Variants in AGAP1 observed in about 807,000 individuals in gnomAD.
AGAP1 encodes arf-GAP with GTPase, ANK repeat and PH domain-containing protein 1.
In AGAP1, 29 loss-of-function variants were observed where a neutral mutation model predicts 105.3. The observed-to-expected ratio is 0.28, with a 90% CI of 0.21 to 0.38. The LOEUF (loss-of-function observed/expected upper bound fraction) is 0.38, where lower values mean the gene tolerates loss of function less well. Ranked by LOEUF, AGAP1 falls within the 10% of genes least tolerant of loss-of-function variation. The pLI is 1.00. For missense variants in AGAP1, 998 were observed against 1,165.1 expected (o/e 0.86, Z 2.09); for synonymous variants, 509 against 485.9 (o/e 1.05, Z -0.63).
chr2:235,947,786 C>T (rs138633611), intron 12 of AGAP1, among the ~76,000 whole-genome samples: 12 of 152,312 alleles, frequency 7.9e-5, no homozygotes, highest in African/African-American at 2.6e-4. Flanking sequence ...AGCAGTTGAA[C>T]GTTACTGTTT....
At chr2:235,923,378 A>G (rs952076199) in intron 11 of AGAP1, among the ~76,000 whole-genome samples, 8 of 152,112 alleles carry the variant, frequency 5.3e-5, no homozygotes, top group African/African-American at 1.9e-4. Context: ...AGGTTTTTGG[A>G]TAAGTGTTAC....
In AGAP1 at chr2:235,731,965, C is replaced by T. The variant is rs186686407; in HGVS notation, c.311-8998C>T. On this transcript the variant is annotated intron_variant, in intron 3 of 17. Coordinates refer to ENST00000304032, the MANE Select transcript of AGAP1 (RefSeq NM_001037131.3). ...GCAGGGAAGAAATGGAAGGGGCAGCCGTGGCCTCATCTTTTGTGCTGTTTT... is the reference window on the plus strand; with the variant it reads ...GCAGGGAAGAAATGGAAGGGGCAGCTGTGGCCTCATCTTTTGTGCTGTTTT... Among the ~76,000 whole-genome samples the T allele has an allele frequency of 9.9e-5, 15 of 152,274 alleles. No homozygotes were observed. The East Asian group carries it at 2.1e-3, about 22-fold the overall frequency.
chr2:235,968,936 G>A (rs1406094675), intron 13 of AGAP1, among the ~76,000 whole-genome samples: 1 of 152,182 alleles, frequency 6.6e-6, no homozygotes, highest in African/African-American at 2.4e-5. Flanking sequence ...GGCAGCCTGG[G>A]CGAGTGTCCT....
rs1226107887 is a variant in AGAP1 at position 235,655,006 on chromosome 2, A to G, written c.164-54173A>G. ...AAGAAAATGACTTTCTGATTGAATC[A>G]TATCATTTTAAACAAAGCTCTTTCA... is the stretch of plus-strand genomic sequence containing the variant. On this transcript the variant is annotated intron_variant, in intron 1 of 17. Transcript: ENST00000304032. This position sits in a 1 kb window ranked among gnomAD's most constrained non-coding sequence, Gnocchi z 4.3. Among the ~76,000 whole-genome samples the G allele has an allele frequency of 2.0e-5, 3 of 152,160 alleles. No homozygotes were observed. Among genetic ancestry groups the G allele is most frequent in the Non-Finnish European group, 4.4e-5 (3 of 68,030 alleles).
chr2:235,873,336 G>C (rs1393575851), intron 9 of AGAP1, among the ~76,000 whole-genome samples: 1 of 152,176 alleles, frequency 6.6e-6, no homozygotes, highest in Non-Finnish European at 1.5e-5. Context: ...TTGAACCTCT[G>C]ATTATGACTG....
At chr2:235,678,961 G>T (rs996276535) in intron 1 of AGAP1, among the ~76,000 whole-genome samples, 1 of 152,218 alleles carries the variant, frequency 6.6e-6, no homozygotes, top group African/African-American at 2.4e-5. Flanking sequence ...GGTGAGTGGT[G>T]GCTGGGCATG....
At chr2:236,097,796 A>C (rs1237336785) in intron 16 of AGAP1, among the ~76,000 whole-genome samples, 2 of 151,922 alleles carry the variant, frequency 1.3e-5, no homozygotes, top group Non-Finnish European at 2.9e-5. Context: ...CCCAAACTGA[A>C]ACTTTTTACC....
chr2:235,920,295 G>A lies in AGAP1; in HGVS notation c.1325-10470G>A, dbSNP rs115193386. Among the ~76,000 whole-genome samples the A allele has an allele frequency of 9.1e-4, 138 of 152,172 alleles. No individual in the cohort carries two copies. In the Middle Eastern group the frequency reaches 0.01, roughly 11 times the overall value. On this transcript the variant is annotated intron_variant, in intron 11 of 17. Coordinates refer to ENST00000304032, the MANE Select transcript of AGAP1 (RefSeq NM_001037131.3). ...CATGGTAAATATTTTGTCTTAAATT[G>A]TACCAATTGCCACATGATATCCACT...
intron 1 of AGAP1, among the ~76,000 whole-genome samples, chr2:235,605,476 G>T (rs948388146): frequency 6.6e-6 from 1 of 152,140 alleles, no homozygotes; most frequent in South Asian, 2.1e-4. Flanking sequence ...CCGGCTTGTC[G>T]TGCAGCACGG....
intron 12 of AGAP1, among the ~76,000 whole-genome samples, chr2:235,940,596 C>T (rs1307220442): frequency 6.6e-6 from 1 of 152,218 alleles, no homozygotes; most frequent in Non-Finnish European, 1.5e-5. Flanking sequence ...CTCTCCATCC[C>T]ATTCTTTGCG....
At chr2:235,975,257 CT>C (rs896968283) in intron 13 of AGAP1, among the ~76,000 whole-genome samples, 1 of 152,088 alleles carries the variant, frequency 6.6e-6, no homozygotes, top group African/African-American at 2.4e-5. Context: ...TACCTGAGGA[CT>C]TTTTTTTATT....
rs1457571868 is a variant in AGAP1, at chr2:235,964,455, G to A, written c.1484-4007G>A. The stretch of plus-strand genomic sequence containing the variant: ...CAAAGTGGGCTCCTAACACTGAATA[G>A]AGAGGATGGGATGGTAAAGACTTGG... On this transcript the variant is annotated intron_variant, in intron 12 of 17. Coordinates refer to ENST00000304032, the MANE Select transcript of AGAP1 (RefSeq NM_001037131.3). The surrounding 1 kb of genome is among the most constrained non-coding windows in gnomAD (Gnocchi z 4.6). Among the ~76,000 whole-genome samples, 1 of 152,034 alleles carries A rather than the reference G, an allele frequency of 6.6e-6. No homozygotes were observed. The highest frequency in any genetic ancestry group is 2.4e-5 in the African/African-American group (1 of 41,394).
At position 235,676,741 on chromosome 2, in the gene AGAP1, A is replaced by G. The variant is rs74470136; in HGVS notation, c.164-32438A>G. 7.3e-3 allele frequency among the ~76,000 whole-genome samples: 1,109 copies of G among 152,282 alleles called. 19 individuals are homozygous for G. The highest frequency in any genetic ancestry group is 0.026 in the African/African-American group (1,067 of 41,548). On this transcript the variant is annotated intron_variant, in intron 1 of 17. Coordinates refer to ENST00000304032, the MANE Select transcript of AGAP1 (RefSeq NM_001037131.3). Reference sequence around the variant, plus strand: ...TCTGATAGGAATTCTCCTTTAGGCTATTGTCAATTTGTTTTCCTGTAATGA... The same window carrying G: ...TCTGATAGGAATTCTCCTTTAGGCTGTTGTCAATTTGTTTTCCTGTAATGA...
At chr2:235,508,417 G>C (rs1254633315) in intron 1 of AGAP1, among the ~76,000 whole-genome samples, 1 of 152,228 alleles carries the variant, frequency 6.6e-6, no homozygotes, top group Middle Eastern at 3.2e-3. Flanking sequence ...GCAGTTCGCA[G>C]CTCTCCTGCA....
intron 9 of AGAP1, among the ~76,000 whole-genome samples, chr2:235,861,477 T>C (rs2048925391): frequency 6.6e-6 from 1 of 152,228 alleles, no homozygotes. Flanking sequence ...CAATCTCTGT[T>C]ACAGCCTCTA....
chr2:236,077,767 A>G (rs1242218946), intron 16 of AGAP1, among the ~76,000 whole-genome samples: 1 of 152,228 alleles, frequency 6.6e-6, no homozygotes, highest in Non-Finnish European at 1.5e-5. Flanking sequence ...AATACAGCTT[A>G]TGGGGCTTAT....
At position 235,953,233 on chromosome 2, in the gene AGAP1, G is replaced by A. The variant is rs2053815083; in HGVS notation, c.1484-15229G>A. On this transcript the variant is annotated intron_variant, in intron 12 of 17. Coordinates refer to ENST00000304032, the MANE Select transcript of AGAP1 (RefSeq NM_001037131.3). This position sits in a 1 kb window ranked among gnomAD's most constrained non-coding sequence, Gnocchi z 5.2. ...TTTACAAAATATTTCTATGAGGACA[G>A]ATAAGGGGGAATGAATTTTGCAAAT... Among the ~76,000 whole-genome samples the A allele has an allele frequency of 6.6e-6, 1 of 152,170 alleles. No individual in the cohort carries two copies. Among genetic ancestry groups the A allele is most frequent in the Non-Finnish European group, 1.5e-5 (1 of 68,016 alleles).
In AGAP1 at chr2:235,953,784, AT is replaced by A. The variant is rs2053837777; in HGVS notation, c.1484-14677del. 2.6e-5 allele frequency among the ~76,000 whole-genome samples: 4 copies of A among 152,280 alleles called. No homozygotes were observed. The South Asian group carries it at 8.3e-4, about 32-fold the overall frequency. On this transcript the variant is annotated intron_variant, in intron 12 of 17. Coordinates refer to ENST00000304032, the MANE Select transcript of AGAP1 (RefSeq NM_001037131.3). The surrounding 1 kb of genome is among the most constrained non-coding windows in gnomAD (Gnocchi z 5.2). ...ATCTCTACAAAGAAATTATCAGGGC[AT>A]GGTGGGTCATACCTGTGGTCCACGC...
rs1343707251 is a variant in AGAP1, at chr2:236,125,880, G to C, written c.*1758G>C. ...CCTAGAGCTCATTGACAGTGTGATG[G>C]GGGGAGAAGGGTTGTCACAATGGAA... On this transcript the variant is annotated 3_prime_UTR_variant, in exon 18 of 18. Coordinates refer to ENST00000304032, the MANE Select transcript of AGAP1 (RefSeq NM_001037131.3). This position sits in a 1 kb window ranked among gnomAD's most constrained non-coding sequence, Gnocchi z 5.2. 1.1e-4 allele frequency: 17 copies of C among 152,310 alleles called. No homozygotes were observed. The East Asian group carries it at 1.7e-3, about 16-fold the overall frequency. 9.4% of individuals were successfully genotyped at this position (152,310 alleles called of 1,614,324 possible). A position where few individuals can be genotyped will look rare whatever the true frequency, so the allele number is the denominator to read the frequency against.
Sources: gnomAD v4.1 joint callset for allele counts (sites outside exome capture counted in the v4.1 genomes callset) on GRCh38, gnomAD v4.1.1 for gene constraint, Gnocchi (gnomAD v3.1) non-coding constraint, MANE v1.5 for transcripts, NCBI Gene and HGNC (gene_info 2026-07-23, HGNC 2026-07-21) for gene names.